The following GPM6A variants were observed in gnomAD, a reference collection of about 807,000 sequenced individuals.
GPM6A encodes the protein neuronal membrane glycoprotein M6-a.
A neutral mutation model predicts 32.1 loss-of-function variants in GPM6A; 7 were observed. The observed-to-expected ratio is 0.22, with a 90% confidence interval of 0.12 to 0.41. The LOEUF is 0.41. GPM6A is among the 10% of genes least tolerant of loss of function. The probability of loss-of-function intolerance (pLI) is 1.00; values close to 1 mark genes in which losing one functional copy is unlikely to be tolerated. For missense variants in GPM6A, 235 were observed against 347.2 expected, an observed-to-expected ratio of 0.68 and a Z score of 2.57; for synonymous variants, 130 against 123.4, an observed-to-expected ratio of 1.05 and a Z score of -0.35.
intron 1 of GPM6A, among the ~76,000 whole-genome samples, chr4:175,765,376 A>G (rs1732922206): frequency 6.6e-6 from 1 of 152,168 alleles, no homozygotes; most frequent in Admixed American, 6.5e-5. Context: ...AGTGGAGGGA[A>G]TCTCTTAAGA....
chr4:175,793,956 T>C (rs1734112132), intron 1 of GPM6A, among the ~76,000 whole-genome samples: 2 of 151,730 alleles, frequency 1.3e-5, no homozygotes, highest in African/African-American at 4.9e-5. Flanking sequence ...TTTGCTCATT[T>C]TACTTTTTAA....
At chr4:175,799,553 T>C (rs910777961) in intron 1 of GPM6A, among the ~76,000 whole-genome samples, 2 of 152,132 alleles carry the variant, frequency 1.3e-5, no homozygotes, top group Non-Finnish European at 2.9e-5. Context: ...ACGGAAGTAG[T>C]ATTGCTATTT....
intron 2 of GPM6A, among the ~76,000 whole-genome samples, chr4:175,682,778 A>T (rs1743758964): frequency 6.6e-6 from 1 of 152,246 alleles, no homozygotes; most frequent in South Asian, 2.1e-4. Flanking sequence ...ACAGAATGCA[A>T]GAGTGAAGAA....
intron 1 of GPM6A, among the ~76,000 whole-genome samples, chr4:175,761,843 G>A (rs1732757565): frequency 1.3e-5 from 2 of 150,528 alleles, no homozygotes; most frequent in South Asian, 2.1e-4. Context: ...TGCCCAGGCT[G>A]GAATGCAATG....
chr4:175,894,374 G>C (rs912329099), intron 1 of GPM6A, among the ~76,000 whole-genome samples: 1 of 152,090 alleles, frequency 6.6e-6, no homozygotes, highest in Non-Finnish European at 1.5e-5. Flanking sequence ...CGAGGAAGGG[G>C]TGCTAAAGAA....
At chr4:175,945,327 C>T (rs187458143) in intron 1 of GPM6A, among the ~76,000 whole-genome samples, 45 of 152,112 alleles carry the variant, frequency 3.0e-4, no homozygotes, top group Non-Finnish European at 4.6e-4. Flanking sequence ...TTGTTTAGTA[C>T]AAACAAATAT....
At chr4:175,984,159 T>C (rs1040370876) in intron 1 of GPM6A, among the ~76,000 whole-genome samples, 7 of 152,088 alleles carry the variant, frequency 4.6e-5, no homozygotes, top group African/African-American at 9.7e-5. Flanking sequence ...TTTATTTTTA[T>C]TTATTTATTT....
intron 1 of GPM6A, among the ~76,000 whole-genome samples, chr4:175,775,573 A>G (rs1185098750): frequency 1.3e-5 from 2 of 150,542 alleles, no homozygotes; most frequent in Non-Finnish European, 3.0e-5. Flanking sequence ...AAAATCAAGT[A>G]AAAAAAAATG....
At chr4:175,846,667 C>G (rs778720469) in intron 1 of GPM6A, among the ~76,000 whole-genome samples, 1 of 151,856 alleles carries the variant, frequency 6.6e-6, no homozygotes, top group Non-Finnish European at 1.5e-5. Flanking sequence ...ATGTCTATAC[C>G]GAAGAATAAG....
At chr4:175,954,050 A>C (rs976641472) in intron 1 of GPM6A, among the ~76,000 whole-genome samples, 10 of 152,240 alleles carry the variant, frequency 6.6e-5, no homozygotes, top group African/African-American at 2.4e-4. Context: ...TTGTTCAATT[A>C]CATGTCCTTA....
chr4:175,676,638 T>A (rs1266072062), intron 2 of GPM6A, among the ~76,000 whole-genome samples: 1 of 152,120 alleles, frequency 6.6e-6, no homozygotes, highest in African/African-American at 2.4e-5. Flanking sequence ...CCTAGCTACG[T>A]GGGAGGCTGA....
intron 1 of GPM6A, among the ~76,000 whole-genome samples, chr4:175,889,518 C>CAAAAAAAAAAAAAAAAAAAA (rs35210127): frequency 2.9e-5 from 4 of 137,012 alleles, no homozygotes; most frequent in African/African-American, 1.1e-4. Context: ...ACCCTGTCTC[C>CAAAAAAAAAAAAAAAAAAAA]AAAAAAAAAA....
At chr4:175,900,143 G>A (rs1737912397) in intron 1 of GPM6A, among the ~76,000 whole-genome samples, 1 of 151,630 alleles carries the variant, frequency 6.6e-6, no homozygotes. Context: ...CGTGGTGGTG[G>A]GCACCTGTAA....
At chr4:175,851,759 TA>T (rs1274566556) in intron 1 of GPM6A, among the ~76,000 whole-genome samples, 2 of 152,202 alleles carry the variant, frequency 1.3e-5, no homozygotes, top group South Asian at 2.1e-4. Context: ...ATTATGAAAA[TA>T]TAATTTGCAT....
At chr4:175,977,557 T>G (rs1740697526) in intron 1 of GPM6A, among the ~76,000 whole-genome samples, 1 of 152,210 alleles carries the variant, frequency 6.6e-6, no homozygotes, top group African/African-American at 2.4e-5. Context: ...TAGTAATACA[T>G]TATTTGATAC....
intron 1 of GPM6A, among the ~76,000 whole-genome samples, chr4:175,895,284 T>A (rs1417875319): frequency 6.6e-6 from 1 of 152,152 alleles, no homozygotes; most frequent in Non-Finnish European, 1.5e-5. Flanking sequence ...AATGACTCCA[T>A]TTGGTTGCTA....
intron 1 of GPM6A, among the ~76,000 whole-genome samples, chr4:175,941,397 A>T (rs571442060): frequency 2.2e-4 from 33 of 152,142 alleles, no homozygotes; most frequent in Admixed American, 1.4e-3. Context: ...TTTCTTTTTT[A>T]AAAAAATTAT....
intron 1 of GPM6A, among the ~76,000 whole-genome samples, chr4:175,856,745 C>T (rs186128775): frequency 7.3e-4 from 111 of 152,178 alleles, no homozygotes; most frequent in African/African-American, 2.0e-3. Context: ...GCCTGGAGTT[C>T]GGCCATTCCC....
At chr4:175,995,578 C>A (rs193013288) in intron 1 of GPM6A, among the ~76,000 whole-genome samples, 1 of 152,208 alleles carries the variant, frequency 6.6e-6, no homozygotes, top group East Asian at 1.9e-4. Flanking sequence ...CCTGCCTCAT[C>A]ATCAGTCGGA....
Sources: allele counts gnomAD v4.1 joint callset (sites outside exome capture counted in the v4.1 genomes callset), GRCh38; gene constraint gnomAD v4.1.1; transcripts MANE v1.5; gene names NCBI Gene and HGNC (gene_info 2026-07-23, HGNC 2026-07-21).